KIAA0825: variants seen among roughly 807,000 people sequenced by gnomAD.
The protein encoded by KIAA0825 is KIAA0825, also known as uncharacterized protein KIAA0825.
A neutral mutation model predicts 147.6 loss-of-function variants in KIAA0825; 119 were observed. The ratio of observed to expected loss-of-function variants is 0.81; its 90% CI spans 0.69 to 0.94. The LOEUF is 0.94. KIAA0825 is among the 40% of genes least tolerant of loss of function. The pLI, the probability that KIAA0825 is intolerant of heterozygous loss-of-function variation, is 0.00. For synonymous variants in KIAA0825, 470 were observed against 518.1 expected (o/e 0.91, Z 1.26); for missense variants, 1,381 against 1,472.7 (o/e 0.94, Z 1.02).
intron 2 of KIAA0825, among the ~76,000 whole-genome samples, chr5:94,551,150 T>A (rs1269122945): frequency 6.6e-6 from 1 of 151,332 alleles, no homozygotes; most frequent in Non-Finnish European, 1.5e-5. Flanking sequence ...ATACCTGAAC[T>A]TAAAGACAGG....
chr5:94,255,059 C>T (rs1314719878), intron 20 of KIAA0825, among the ~76,000 whole-genome samples: 1 of 151,092 alleles, frequency 6.6e-6, no homozygotes, highest in Non-Finnish European at 1.5e-5. Context: ...ATTTTTTTTG[C>T]ATAGTCTAAC....
At chr5:94,367,115 A>G (rs1745967293) in intron 20 of KIAA0825, among the ~76,000 whole-genome samples, 1 of 152,272 alleles carries the variant, frequency 6.6e-6, no homozygotes, top group Admixed American at 6.5e-5. Flanking sequence ...TTAGAAGCAC[A>G]GGTCTTTGAA....
chr5:94,514,951 C>A (rs1480322867), intron 5 of KIAA0825, among the ~76,000 whole-genome samples: 1 of 152,134 alleles, frequency 6.6e-6, no homozygotes, highest in Non-Finnish European at 1.5e-5. Context: ...TCATCCACTG[C>A]AGATTTTAGG....
At chr5:94,318,625 A>G (rs1214473215) in intron 20 of KIAA0825, among the ~76,000 whole-genome samples, 6 of 151,960 alleles carry the variant, frequency 3.9e-5, no homozygotes, top group Non-Finnish European at 8.8e-5. Flanking sequence ...CTGAGAGCAC[A>G]GAGAACAGAT....
chr5:94,191,759 G>A (rs974099576), intron 20 of KIAA0825, among the ~76,000 whole-genome samples: 6 of 152,180 alleles, frequency 3.9e-5, no homozygotes, highest in African/African-American at 1.4e-4. Context: ...AGATGCCAGC[G>A]GAGTGCTGCA....
chr5:94,272,534 A>G (rs191956765), intron 20 of KIAA0825, among the ~76,000 whole-genome samples: 1 of 152,248 alleles, frequency 6.6e-6, no homozygotes, highest in Non-Finnish European at 1.5e-5. Context: ...ACATAATACA[A>G]ATTTTATTAT....
chr5:94,538,512 A>G (rs565090530), intron 2 of KIAA0825, among the ~76,000 whole-genome samples: 4 of 152,346 alleles, frequency 2.6e-5, no homozygotes, highest in African/African-American at 9.6e-5. Context: ...CTGGCTGGGC[A>G]TTTGATTCCA....
intron 4 of KIAA0825, among the ~76,000 whole-genome samples, chr5:94,521,338 A>C (rs1768156182): frequency 6.6e-6 from 1 of 151,836 alleles, no homozygotes; most frequent in South Asian, 2.1e-4. Flanking sequence ...TCATGCTTGA[A>C]TGAGTACACT....
At chr5:94,498,965 C>T (rs1367369187) in intron 5 of KIAA0825, among the ~76,000 whole-genome samples, 8 of 152,252 alleles carry the variant, frequency 5.3e-5, no homozygotes, top group Admixed American at 1.3e-4. Context: ...TAATTTAAAA[C>T]GGTCTTATAA....
intron 20 of KIAA0825, among the ~76,000 whole-genome samples, chr5:94,168,437 T>C (rs911556899): frequency 6.6e-6 from 1 of 152,210 alleles, no homozygotes. Context: ...TTAATTAATA[T>C]GATTTGTTCT....
intron 20 of KIAA0825, among the ~76,000 whole-genome samples, chr5:94,168,328 A>G (rs1056569023): frequency 5.9e-5 from 9 of 152,152 alleles, no homozygotes; most frequent in Admixed American, 2.0e-4. Context: ...AGTAAAAGGA[A>G]TCTTTCCAAG....
intron 9 of KIAA0825, among the ~76,000 whole-genome samples, chr5:94,470,660 C>G (rs996558339): frequency 6.6e-6 from 1 of 152,194 alleles, no homozygotes; most frequent in Non-Finnish European, 1.5e-5. Flanking sequence ...CAACATCTGA[C>G]TACTTATGAG....
chr5:94,206,288 G>A (rs1031091143), intron 20 of KIAA0825, among the ~76,000 whole-genome samples: 3 of 151,854 alleles, frequency 2.0e-5, no homozygotes, highest in Admixed American at 6.6e-5. Flanking sequence ...TTATTTCACT[G>A]TGTCACGTTT....
chr5:94,158,296 C>T (rs1366172597), intron 20 of KIAA0825, among the ~76,000 whole-genome samples: 1 of 152,120 alleles, frequency 6.6e-6, no homozygotes, highest in Non-Finnish European at 1.5e-5. Context: ...GACTGCATGT[C>T]CTGTAAAGCC....
At chr5:94,515,741 G>A (rs1448333960) in intron 5 of KIAA0825, among the ~76,000 whole-genome samples, 6 of 147,576 alleles carry the variant, frequency 4.1e-5, no homozygotes, top group African/African-American at 1.6e-4. Context: ...GCAGTGAGCC[G>A]AGATTGCGCC....
intron 20 of KIAA0825, among the ~76,000 whole-genome samples, chr5:94,376,178 T>A (rs1584304266): frequency 6.6e-6 from 1 of 152,224 alleles, no homozygotes; most frequent in African/African-American, 2.4e-5. Context: ...GCACTCTGTA[T>A]GTTTGCTGTC....
Position 94,480,798 on chromosome 5 carries a change from C to CA in KIAA0825, c.1133-3594dup, listed in dbSNP as rs754433002. 1.7e-3 allele frequency among the ~76,000 whole-genome samples: 260 copies of CA among 152,050 alleles called. 2 individuals carry two copies. The highest frequency in any genetic ancestry group is 5.3e-3 in the African/African-American group (218 of 41,496). ...AAGATATAGAAAATGAATTATGAAG[C>CA]AATTATGATAGCCTTTAAAATATAA... On this transcript the variant is annotated intron_variant, in intron 6 of 20. Transcript: ENST00000682413.
At chr5:94,300,666 T>C (rs1778355903) in intron 20 of KIAA0825, among the ~76,000 whole-genome samples, 1 of 152,178 alleles carries the variant, frequency 6.6e-6, no homozygotes, top group African/African-American at 2.4e-5. Flanking sequence ...TTTGCCAATA[T>C]AAAGAATGAA....
intron 5 of KIAA0825, among the ~76,000 whole-genome samples, chr5:94,505,800 T>A (rs1225601006): frequency 6.6e-6 from 1 of 152,210 alleles, no homozygotes; most frequent in East Asian, 1.9e-4. Flanking sequence ...CTAATTTTTT[T>A]ACAAGATTTC....
Sources: allele counts gnomAD v4.1 joint callset (sites outside exome capture counted in the v4.1 genomes callset), GRCh38; gene constraint gnomAD v4.1.1; transcripts MANE v1.5; gene names NCBI Gene and HGNC (gene_info 2026-07-23, HGNC 2026-07-21).